The following SLC14A2 variants were observed in gnomAD, a reference collection of about 807,000 sequenced individuals.
The protein encoded by SLC14A2 is solute carrier family 14 member 2, also known as urea transporter 2.
In SLC14A2, 91 loss-of-function variants were observed where a neutral mutation model predicts 104.6. The ratio of observed to expected loss-of-function variants is 0.87; its 90% confidence interval spans 0.73 to 1.04. SLC14A2 has a LOEUF of 1.04. Among genes scored for constraint, SLC14A2 ranks in the 50% least tolerant of loss-of-function variants. The pLI, the probability that SLC14A2 is intolerant of heterozygous loss-of-function variation, is 0.00. For missense variants in SLC14A2, 1,189 were observed against 1,156.0 expected, an observed-to-expected ratio of 1.03 and a Z score of -0.41; for synonymous variants, 476 against 466.4, an observed-to-expected ratio of 1.02 and a Z score of -0.27.
At chr18:45,541,644 T>G (rs896533164) in intron 2 of SLC14A2, among the ~76,000 whole-genome samples, 1 of 152,198 alleles carries the variant, frequency 6.6e-6, no homozygotes, top group Non-Finnish European at 1.5e-5. Context: ...ATGACTGACC[T>G]AAGAGCCAGA....
chr18:45,352,569 C>A (rs565416909), intron 1 of SLC14A2, among the ~76,000 whole-genome samples: 1 of 152,184 alleles, frequency 6.6e-6, no homozygotes, highest in Admixed American at 6.5e-5. Context: ...TGTGTAAGGG[C>A]AGATTTGATC....
At chr18:45,579,682 C>T (rs2044461660) in intron 2 of SLC14A2, among the ~76,000 whole-genome samples, 1 of 152,238 alleles carries the variant, frequency 6.6e-6, no homozygotes, top group African/African-American at 2.4e-5. Context: ...ACCAGCTGCA[C>T]CAGGCCCACA....
At chr18:45,431,443 A>T (rs1487136304) in intron 1 of SLC14A2, among the ~76,000 whole-genome samples, 5 of 152,196 alleles carry the variant, frequency 3.3e-5, no homozygotes, top group Non-Finnish European at 1.5e-5. Flanking sequence ...ACCTGGCAGG[A>T]TTATCAAAAG....
chr18:45,179,972 C>T, the SLC14A2 span: 1 of 152,018 alleles, frequency 6.6e-6, no homozygotes, highest in Non-Finnish European at 1.5e-5. Context: ...CTAGTGAGAC[C>T]TTGACTCTAT....
chr18:45,520,523 T>C (rs2043503176), intron 2 of SLC14A2, among the ~76,000 whole-genome samples: 1 of 152,238 alleles, frequency 6.6e-6, no homozygotes, highest in Non-Finnish European at 1.5e-5. Context: ...TAAATGCATT[T>C]AAAGTTGCAT....
At chr18:45,308,980 C>G (rs1251521056) in intron 1 of SLC14A2, among the ~76,000 whole-genome samples, 1 of 152,152 alleles carries the variant, frequency 6.6e-6, no homozygotes, top group African/African-American at 2.4e-5. Context: ...AGGAGGGACC[C>G]AGGCGTCCGT....
intron 1 of SLC14A2, among the ~76,000 whole-genome samples, chr18:45,291,829 T>C (rs551395525): frequency 3.0e-4 from 46 of 151,214 alleles, no homozygotes; most frequent in Non-Finnish European, 5.5e-4. Context: ...CCGGGGGCGG[T>C]TGGGGGGGTG....
At chr18:45,658,624 G>T (rs2045883336) in intron 10 of SLC14A2, among the ~76,000 whole-genome samples, 1 of 151,858 alleles carries the variant, frequency 6.6e-6, no homozygotes, top group Admixed American at 6.6e-5. Context: ...AAAGTGTAGA[G>T]GCATGGACCT....
At chr18:45,440,931 C>G (rs1055347501) in intron 1 of SLC14A2, among the ~76,000 whole-genome samples, 1 of 152,146 alleles carries the variant, frequency 6.6e-6, no homozygotes, top group Non-Finnish European at 1.5e-5. Context: ...AGACAATAAA[C>G]AGCATCCTCC....
At chr18:45,394,748 T>C (rs2086010007) in intron 1 of SLC14A2, among the ~76,000 whole-genome samples, 1 of 152,156 alleles carries the variant, frequency 6.6e-6, no homozygotes, top group Admixed American at 6.6e-5. Flanking sequence ...TCTTATGTAT[T>C]TTTGATATTA....
chr18:45,399,646 T>C (rs780722711), intron 1 of SLC14A2, among the ~76,000 whole-genome samples: 12 of 152,086 alleles, frequency 7.9e-5, no homozygotes, highest in East Asian at 1.9e-4. Context: ...GAAGGAAGAA[T>C]ACATATTATG....
intron 10 of SLC14A2, 83 bp from the exon 11 acceptor site, chr18:45,663,702 G>A (rs2045966702): frequency 2.0e-6 from 3 of 1,494,196 alleles, no homozygotes; most frequent in African/African-American, 1.4e-5. Context: ...CAGCATCTGT[G>A]TGATTTTTCC....
At chr18:45,183,158 T>C in the SLC14A2 span, among the ~76,000 whole-genome samples, 1 of 152,300 alleles carries the variant, frequency 6.6e-6, no homozygotes, top group Admixed American at 6.5e-5. Flanking sequence ...GCATTCCCAC[T>C]GAACCAGATT....
chr18:45,565,052 G>A (rs1241558730), intron 2 of SLC14A2, among the ~76,000 whole-genome samples: 2 of 10,448 alleles, frequency 1.9e-4, no homozygotes, highest in South Asian at 6.3e-3. Context: ...TGGGTGATGT[G>A]TGTGTGTTCG....
chr18:45,612,026 A>G (rs142485745), upstream of SLC14A2, among the ~76,000 whole-genome samples: 2 of 152,360 alleles, frequency 1.3e-5, no homozygotes, highest in African/African-American at 4.8e-5. Flanking sequence ...ACAAGATGCT[A>G]TACTTCAAGA....
chr18:45,412,455 G>A (rs1184973359), intron 1 of SLC14A2, among the ~76,000 whole-genome samples: 1 of 152,162 alleles, frequency 6.6e-6, no homozygotes, highest in Non-Finnish European at 1.5e-5. Flanking sequence ...TGCCAGGTTG[G>A]CTGATATTCT....
the SLC14A2 span, among the ~76,000 whole-genome samples, chr18:45,205,806 A>T: frequency 6.6e-6 from 1 of 152,212 alleles, no homozygotes; most frequent in African/African-American, 2.4e-5. Flanking sequence ...TATTCAACAA[A>T]TATAGAGTGA....
intron 1 of SLC14A2, among the ~76,000 whole-genome samples, chr18:45,460,273 G>T (rs2087020390): frequency 6.6e-6 from 1 of 152,084 alleles, no homozygotes; most frequent in African/African-American, 2.4e-5. Flanking sequence ...CCTTACTGAT[G>T]GTCCTCTGTG....
the SLC14A2 span, among the ~76,000 whole-genome samples, chr18:45,191,346 C>T: frequency 1.3e-5 from 2 of 152,066 alleles, no homozygotes; most frequent in Admixed American, 6.6e-5. Flanking sequence ...TTAAGGAGTC[C>T]CAGATATGTC....
Sources: allele counts gnomAD v4.1 joint callset (sites outside exome capture counted in the v4.1 genomes callset), GRCh38; gene constraint gnomAD v4.1.1; transcripts MANE v1.5; gene names NCBI Gene and HGNC (gene_info 2026-07-23, HGNC 2026-07-21).